ARL4D: variants seen among roughly 807,000 people sequenced by gnomAD.
ARL4D encodes ADP-ribosylation factor-like protein 4D.
Under a neutral mutation model 0.6 loss-of-function variants are expected in ARL4D, and 1 was observed. The ratio of observed to expected loss-of-function variants is 1.64; its 90% CI spans 0.58 to 7.76. ARL4D has a LOEUF of 7.76. Ranked by LOEUF, ARL4D falls within the 30% of genes most tolerant of loss-of-function variation. The pLI, the probability that ARL4D is intolerant of heterozygous loss-of-function variation, is 0.14. For missense variants in ARL4D, 230 were observed against 264.5 expected, an observed-to-expected ratio of 0.87 and a Z score of 0.90; for synonymous variants, 102 against 115.2, an observed-to-expected ratio of 0.89 and a Z score of 0.73.
chr17:43,400,532 A>G lies in ARL4D; in HGVS notation c.*194A>G, dbSNP rs143430693. On this transcript the variant is annotated 3_prime_UTR_variant, in exon 2 of 2. Coordinates refer to ENST00000320033, the MANE Select transcript of ARL4D (RefSeq NM_001661.4). Reference sequence around the variant, plus strand: ...GATGGGAGATGGGATGTCTTTGCATATCTCTCTCATCCTCTCTGGAGAAGT... The same window carrying G: ...GATGGGAGATGGGATGTCTTTGCATGTCTCTCTCATCCTCTCTGGAGAAGT... 7 of 670,110 alleles carry G rather than the reference A, an allele frequency of 1.0e-5. No homozygotes were observed. The highest frequency in any genetic ancestry group is 9.1e-5 in the African/African-American group (5 of 55,070). 41.5% of individuals were successfully genotyped at this position (670,110 alleles called of 1,614,324 possible).
In ARL4D at chr17:43,399,060, G is replaced by C. The variant is rs1451142235; in HGVS notation, c.-106G>C. The C allele has an allele frequency of 2.0e-5, 3 of 152,534 alleles. No homozygotes were observed. Among genetic ancestry groups the C allele is most frequent in the Non-Finnish European group, 2.9e-5 (2 of 68,178 alleles). The allele number at this position is 152,534 out of a possible 1,614,324, so 9.4% of individuals were successfully genotyped here. A position where few individuals can be genotyped will look rare whatever the true frequency, so the allele number is the denominator to read the frequency against. Reference sequence around the variant, plus strand: ...CGCGGGGCGGCTGCGGTGTTTCACCGGGAAAGGCTCGAGGAGAGCGCGGCT... The same window carrying C: ...CGCGGGGCGGCTGCGGTGTTTCACCCGGAAAGGCTCGAGGAGAGCGCGGCT... On this transcript the variant is annotated 5_prime_UTR_variant, in exon 1 of 2. Coordinates refer to ENST00000320033, the MANE Select transcript of ARL4D (RefSeq NM_001661.4).
At position 43,400,961 on chromosome 17, in the gene ARL4D, C is replaced by T. The variant is rs972359213; in HGVS notation, c.*623C>T. On this transcript the variant is annotated 3_prime_UTR_variant, in exon 2 of 2. Transcript: ENST00000320033. ...CTCTTACCTTGGTCTGGGGCATTTT[C>T]CTCTCCTTATCTTGCCCCAGAGACA... is the stretch of plus-strand genomic sequence containing the variant. The T allele has an allele frequency of 6.0e-6, 1 of 166,996 alleles. No homozygotes were observed. The highest frequency in any genetic ancestry group is 2.4e-5 in the African/African-American group (1 of 41,392). The allele number at this position is 166,996 out of a possible 1,614,324, so 10.3% of individuals were successfully genotyped here. A position where few individuals can be genotyped will look rare whatever the true frequency, so the allele number is the denominator to read the frequency against.
In ARL4D at chr17:43,400,528, G is replaced by C; in HGVS notation, c.*190G>C. ...TGGGGATGGGAGATGGGATGTCTTT[G>C]CATATCTCTCTCATCCTCTCTGGAG... On this transcript the variant is annotated 3_prime_UTR_variant, in exon 2 of 2. Transcript: ENST00000320033. 1.4e-6 allele frequency: 1 copy of C among 695,002 alleles called. No homozygotes were observed. The highest frequency in any genetic ancestry group is 2.8e-5 in the East Asian group (1 of 35,850). The allele number at this position is 695,002 out of a possible 1,614,324, so 43.1% of individuals were successfully genotyped here. A position where few individuals can be genotyped will look rare whatever the true frequency, so the allele number is the denominator to read the frequency against.
rs113009855 is a variant in ARL4D, at chr17:43,400,430, G to A, written c.*92G>A. The A allele has an allele frequency of 3.1e-5, 46 of 1,472,402 alleles. 1 individual carries two copies. The African/African-American group carries it at 3.4e-4, about 11-fold the overall frequency. The allele number at this position is 1,472,402 out of a possible 1,614,324, so 91.2% of individuals were successfully genotyped here. On this transcript the variant is annotated 3_prime_UTR_variant, in exon 2 of 2. Transcript: ENST00000320033. Reference sequence around the variant, plus strand: ...CAGCCTGTGACCTCTCAGTCAGACTGGGGTGCAGGACCTGTCCACCTCAAT... The same window carrying A: ...CAGCCTGTGACCTCTCAGTCAGACTAGGGTGCAGGACCTGTCCACCTCAAT...
chr17:43,399,857 A>T lies in ARL4D; in HGVS notation c.125A>T (p.Lys42Met). The part of the protein sequence containing the change: ...AGKTSLLYRL[K>M]FKEFVQSVPT... The stretch of plus-strand genomic sequence containing the variant: ...AAGACCTCCCTCCTTTACCGCCTCA[A>T]GTTCAAGGAGTTTGTCCAGAGTGTC... Residue 42 changes from lysine (K) to methionine (M), a missense_variant, in exon 2 of 2, where the codon AAG (lysine) becomes ATG (methionine). Physicochemically the swap from Lys to Met is moderately conservative, Grantham distance 95. This residue lies in a region of ARL4D where 91 missense variants were observed against 100.4 expected (regional missense o/e 0.91). Coordinates refer to ENST00000320033, the MANE Select transcript of ARL4D (RefSeq NM_001661.4). The T allele has an allele frequency of 1.2e-6, 2 of 1,613,858 alleles. No homozygotes were observed. The highest frequency in any genetic ancestry group is 2.7e-5 in the African/African-American group (2 of 74,942).
chr17:43,399,900 C>T lies in ARL4D; in HGVS notation c.168C>T (p.Asn56=), dbSNP rs2058080757. ...FVQSVPTKGF[N]TEKIRVPLGG... is the part of the protein sequence containing the mutation. ...AGAGTGTCCCCACCAAAGGCTTCAA[C>T]ACCGAGAAGATCCGGGTGCCCCTCG... Residue 56 remains asparagine, a synonymous_variant, in exon 2 of 2, where the codon AAC becomes AAT. Transcript: ENST00000320033. 1.9e-6 allele frequency: 3 copies of T among 1,614,010 alleles called. No homozygotes were observed. The highest frequency in any genetic ancestry group is 1.7e-5 in the Admixed American group (1 of 60,006).
chr17:43,399,545 A>C, intron 1 of ARL4D, 116 bp from the exon 2 acceptor site: 3 of 757,950 alleles, frequency 4.0e-6, no homozygotes, highest in East Asian at 2.8e-5. Context: ...AAAAAAAGGA[A>C]AGGAATTTTA....
In ARL4D at chr17:43,399,720, G is replaced by A. The variant is rs1161643445; in HGVS notation, c.-13G>A. ...CAAGGCCTCCCTGCCTCTACTAGGC[G>A]CCTTAGCTCACTATGGGGAACCACT... On this transcript the variant is annotated 5_prime_UTR_variant, in exon 2 of 2. Coordinates refer to ENST00000320033, the MANE Select transcript of ARL4D (RefSeq NM_001661.4). 6.2e-7 allele frequency: 1 copy of A among 1,603,616 alleles called. No individual in the cohort carries two copies. Among genetic ancestry groups the A allele is most frequent in the Non-Finnish European group, 8.5e-7 (1 of 1,172,712 alleles).
Position 43,400,501 on chromosome 17 carries a change from G to T in ARL4D, c.*163G>T, listed in dbSNP as rs2154584968. 1.1e-6 allele frequency: 1 copy of T among 872,078 alleles called. No homozygotes were observed. The allele number at this position is 872,078 out of a possible 1,614,324, so 54.0% of individuals were successfully genotyped here. ...GTGTCCCGTTTTGGTGCCACACTGG[G>T]GTGGGGATGGGAGATGGGATGTCTT... On this transcript the variant is annotated 3_prime_UTR_variant, in exon 2 of 2. Coordinates refer to ENST00000320033, the MANE Select transcript of ARL4D (RefSeq NM_001661.4).
rs756872247 is a variant in ARL4D at position 43,399,761 on chromosome 17, C to G, written c.29C>G (p.Pro10Arg). 2 of 1,613,704 alleles carry G rather than the reference C, an allele frequency of 1.2e-6. No homozygotes were observed. Among genetic ancestry groups the G allele is most frequent in the Non-Finnish European group, 8.5e-7 (1 of 1,179,720 alleles). ...GGGAACCACTTGACTGAGATGGCGC[C>G]CACTGCCTCCTCCTTCTTGCCCCAC... is the stretch of plus-strand genomic sequence containing the variant. The part of the protein sequence containing the change: MGNHLTEMA[P>R]TASSFLPHFQ... The change falls in exon 2 of 2, where the codon CCC becomes CGC. Residue 10 changes from proline (P) to arginine (R), a missense_variant. Around this residue, in one of 3 missense-constraint regions of ARL4D, gnomAD observed 91 missense variants for 100.4 expected, o/e 0.91. Coordinates refer to ENST00000320033, the MANE Select transcript of ARL4D (RefSeq NM_001661.4).
At chr17:43,399,528 A>G in intron 1 of ARL4D, 133 bp from the exon 2 acceptor site, 1 of 590,818 alleles carries the variant, frequency 1.7e-6, no homozygotes, top group Non-Finnish European at 2.7e-6. Flanking sequence ...ATGCCTTAAA[A>G]AAAAAAAAAA....
chr17:43,399,915 G>T lies in ARL4D; in HGVS notation c.183G>T (p.Arg61=). Residue 61 remains arginine (R), a synonymous_variant, in exon 2 of 2, where the codon CGG becomes CGT. Transcript: ENST00000320033. ...AAGGCTTCAACACCGAGAAGATCCG[G>T]GTGCCCCTCGGGGGATCGCGTGGCA... ...PTKGFNTEKI[R]VPLGGSRGIT... is the part of the protein sequence containing the mutation. The T allele has an allele frequency of 1.2e-6, 2 of 1,614,090 alleles. No individual in the cohort carries two copies. The highest frequency in any genetic ancestry group is 1.7e-6 in the Non-Finnish European group (2 of 1,180,030).
chr17:43,400,474 G>T lies in ARL4D; in HGVS notation c.*136G>T. On this transcript the variant is annotated 3_prime_UTR_variant, in exon 2 of 2. Coordinates refer to ENST00000320033, the MANE Select transcript of ARL4D (RefSeq NM_001661.4). ...CCTCAATGAAGGAGAGAGGAGCATG[G>T]GGTGTCCCGTTTTGGTGCCACACTG... 1 of 1,222,460 alleles carries T rather than the reference G, an allele frequency of 8.2e-7. No homozygotes were observed. Among genetic ancestry groups the T allele is most frequent in the Non-Finnish European group, 1.1e-6 (1 of 887,690 alleles). The allele number at this position is 1,222,460 out of a possible 1,614,324, so 75.7% of individuals were successfully genotyped here. A position where few individuals can be genotyped will look rare whatever the true frequency, so the allele number is the denominator to read the frequency against.
rs774799110 is a variant in ARL4D, at chr17:43,400,350, C to A, written c.*12C>A. 3 of 1,558,396 alleles carry A rather than the reference C, an allele frequency of 1.9e-6. No homozygotes were observed. The highest frequency in any genetic ancestry group is 2.4e-5 in the South Asian group (2 of 81,674). On this transcript the variant is annotated 3_prime_UTR_variant, in exon 2 of 2. Coordinates refer to ENST00000320033, the MANE Select transcript of ARL4D (RefSeq NM_001661.4). ...AGAAGAGACGGTGACCCAAGCCCCC[C>A]CTCCCTTTCCTCCCACCTAGTAGGG...
rs1050650948 is a variant in ARL4D, at chr17:43,400,138, A to T, written c.406A>T (p.Lys136Ter). The change falls in exon 2 of 2, where the codon AAG (lysine) becomes TAG (stop). Residue 136 changes from lysine (K) to a stop codon, truncating the protein, a stop_gained. Coordinates refer to ENST00000320033, the MANE Select transcript of ARL4D (RefSeq NM_001661.4). LOFTEE classifies it low-confidence loss of function (END_TRUNC). ...CGTGCCAGTGCTGGTGCTGGCCAAC[A>T]AGCAGGACCAGCCCGGGGCACTGAG... ...QGVPVLVLAN[K>*]QDQPGALSAA... The T allele has an allele frequency of 3.1e-6, 5 of 1,609,620 alleles. No homozygotes were observed. In the African/African-American group the frequency reaches 5.3e-5, roughly 17 times the overall value.
intron 1 of ARL4D, 33 bp from the exon 2 acceptor site, chr17:43,399,628 T>C: frequency 7.1e-7 from 1 of 1,402,692 alleles, no homozygotes; most frequent in Non-Finnish European, 9.6e-7. Flanking sequence ...ATTAAACGTC[T>C]CCTTTTTCTC....
Position 43,399,706 on chromosome 17 carries a change from T to C in ARL4D, c.-27T>C. On this transcript the variant is annotated 5_prime_UTR_variant, in exon 2 of 2. Coordinates refer to ENST00000320033, the MANE Select transcript of ARL4D (RefSeq NM_001661.4). ...GGAACCTTCAATTTCAAGGCCTCCC[T>C]GCCTCTACTAGGCGCCTTAGCTCAC... is the stretch of plus-strand genomic sequence containing the variant. The C allele has an allele frequency of 6.3e-7, 1 of 1,590,454 alleles. No homozygotes were observed. Among genetic ancestry groups the C allele is most frequent in the Non-Finnish European group, 8.6e-7 (1 of 1,165,506 alleles).
rs1334500564 is a variant in ARL4D at position 43,399,712 on chromosome 17, T to C, written c.-21T>C. On this transcript the variant is annotated 5_prime_UTR_variant, in exon 2 of 2. Transcript: ENST00000320033. ...TTCAATTTCAAGGCCTCCCTGCCTC[T>C]ACTAGGCGCCTTAGCTCACTATGGG... 6.3e-6 allele frequency: 10 copies of C among 1,598,882 alleles called. No individual in the cohort carries two copies. Among genetic ancestry groups the C allele is most frequent in the Non-Finnish European group, 8.5e-6 (10 of 1,170,082 alleles).
In ARL4D at chr17:43,400,165, G is replaced by A. The variant is rs1423240165; in HGVS notation, c.433G>A (p.Ala145Thr). 3 of 1,603,830 alleles carry A rather than the reference G, an allele frequency of 1.9e-6. No individual in the cohort carries two copies. Among genetic ancestry groups the A allele is most frequent in the Non-Finnish European group, 2.5e-6 (3 of 1,176,684 alleles). Residue 145 changes from alanine (A) to threonine (T), a missense_variant, in exon 2 of 2, where the codon GCT becomes ACT. Physicochemically the swap from Ala to Thr is moderately conservative, Grantham distance 58. Around this residue, in one of 3 missense-constraint regions of ARL4D, gnomAD observed 131 missense variants for 134.4 expected, o/e 0.97. Transcript: ENST00000320033. ...NKQDQPGALS[A>T]AEVEKRLAVR... is the part of the protein sequence containing the mutation. The stretch of plus-strand genomic sequence containing the variant: ...GCAGGACCAGCCCGGGGCACTGAGC[G>A]CTGCTGAGGTGGAGAAGAGGCTGGC...
Sources: gnomAD v4.1 joint callset for allele counts on GRCh38, gnomAD v4.1.1 for gene constraint, gnomAD v4.1.1 regional missense constraint, MANE v1.5 for transcripts, NCBI Gene and HGNC (gene_info 2026-07-23, HGNC 2026-07-21) for gene names.